SEZ6L2: variants seen among roughly 807,000 people sequenced by gnomAD.
SEZ6L2 encodes seizure 6-like protein 2.
In SEZ6L2, 44 loss-of-function variants were observed where a neutral mutation model predicts 97.0. The ratio of observed to expected loss-of-function variants is 0.45; its 90% CI spans 0.36 to 0.58. SEZ6L2 has a LOEUF of 0.58. Among genes scored for constraint, SEZ6L2 ranks in the 20% least tolerant of loss-of-function variants. The pLI is 0.00. For missense variants in SEZ6L2, 1,086 were observed against 1,233.3 expected (o/e 0.88, Z 1.79); for synonymous variants, 543 against 546.1 (o/e 0.99, Z 0.08).
chr16:29,877,046 GTCTCTCTC>G (rs139403019), intron 11 of SEZ6L2, 96 bp from the exon 12 acceptor site: 2 of 1,215,978 alleles, frequency 1.6e-6, no homozygotes, highest in African/African-American at 3.1e-5. Flanking sequence ...CCCGGGATCT[GTCTCTCTC>G]TCTCTCTCTT....
Position 29,895,294 on chromosome 16 carries a change from A to T in SEZ6L2, c.818T>A (p.Val273Asp). 6.2e-7 allele frequency: 1 copy of T among 1,612,604 alleles called. No individual in the cohort carries two copies. The highest frequency in any genetic ancestry group is 1.3e-5 in the African/African-American group (1 of 74,714). ...RLLLHFQSPR[V>D]PRGGGFRIHY... ...GATCCTGAAGCCACCGCCCCTTGGG[A>T]CCCGTGGGCTCTGGAAGTGCAGAAG... Residue 273 changes from valine (V) to aspartate (D), a missense_variant, in exon 5 of 18, where the codon GTC (valine) becomes GAC (aspartate). Transcript: ENST00000617533.
rs898900006 is a variant in SEZ6L2, at chr16:29,895,297, C to T, written c.815G>A (p.Arg272Gln). The change falls in exon 5 of 18, where the codon CGG becomes CAG. Residue 272 changes from arginine to glutamine, a missense_variant. This residue lies in a region of SEZ6L2 where 776 missense variants were observed against 794.7 expected (regional missense o/e 0.98). Transcript: ENST00000617533. ...NRLLLHFQSP[R>Q]VPRGGGFRIH... ...CCTGAAGCCACCGCCCCTTGGGACC[C>T]GTGGGCTCTGGAAGTGCAGAAGCAG... The T allele has an allele frequency of 1.7e-5, 27 of 1,613,970 alleles. No individual in the cohort carries two copies. Among genetic ancestry groups the T allele is most frequent in the African/African-American group, 1.2e-4 (9 of 74,878 alleles).
In SEZ6L2 at chr16:29,885,750, C is replaced by T. The variant is rs769341834; in HGVS notation, c.1209-1G>A. ...GCTGCCCCCTGAGCGCACCATCAGC[C>T]TGGGATGGACAGAAACGTGACCAGG... is the stretch of plus-strand genomic sequence containing the variant. On this transcript the variant is annotated splice_acceptor_variant, in intron 7 of 17. Transcript: ENST00000617533. LOFTEE classifies it high-confidence loss of function. 2 of 1,596,732 alleles carry T rather than the reference C, an allele frequency of 1.3e-6. No homozygotes were observed. Among genetic ancestry groups the T allele is most frequent in the South Asian group, 1.1e-5 (1 of 90,520 alleles).
rs760207632 is a variant in SEZ6L2 at position 29,871,736 on chromosome 16, CAGAG to C, written c.2743-12_2743-9del. 3.7e-6 allele frequency: 6 copies of C among 1,607,144 alleles called. No homozygotes were observed. Among genetic ancestry groups the C allele is most frequent in the Non-Finnish European group, 4.2e-6 (5 of 1,176,732 alleles). ...TTCATACTCCCGCGTATCCTGAAGA[CAGAG>C]AGATCAGGTCAGTTGTTGGAGTCTG... On this transcript the variant is annotated splice_polypyrimidine_tract_variant and intron_variant, in intron 17 of 17. Coordinates refer to ENST00000617533, the MANE Select transcript of SEZ6L2 (RefSeq NM_001243332.2).
Position 29,885,737 on chromosome 16 carries a change from G to A in SEZ6L2, c.1221C>T (p.Arg407=), listed in dbSNP as rs377205080. The change falls in exon 8 of 18, where the codon CGC becomes CGT. Residue 407 remains arginine (R), a synonymous_variant. Transcript: ENST00000617533. ...LDEDNDRLMV[R]SGGSPLSPVI... is the part of the protein sequence containing the mutation. The stretch of plus-strand genomic sequence containing the variant: ...CGGGGGATAGGGGGCTGCCCCCTGA[G>A]CGCACCATCAGCCTGGGATGGACAG... 41 of 1,610,172 alleles carry A rather than the reference G, an allele frequency of 2.5e-5. 1 individual carries two copies. Among genetic ancestry groups the A allele is most frequent in the East Asian group, 1.3e-4 (6 of 44,744 alleles).
Position 29,895,347 on chromosome 16 carries a change from T to C in SEZ6L2, c.765A>G (p.Gln255=). ...GCCGGTTGGTTGGGCTCCGAAGGAC[T>C]TGTCCTTCTCCAAGCATGGATGAGT... ...LANSSMLGEG[Q]VLRSPTNRLL... is the part of the protein sequence containing the mutation. Residue 255 remains glutamine (Q), a synonymous_variant, in exon 5 of 18, where the codon CAA becomes CAG. Transcript: ENST00000617533. The C allele has an allele frequency of 6.2e-7, 1 of 1,614,104 alleles. No individual in the cohort carries two copies. Among genetic ancestry groups the C allele is most frequent in the Non-Finnish European group, 8.5e-7 (1 of 1,180,002 alleles).
Position 29,877,426 on chromosome 16 carries a change from C to G in SEZ6L2, c.1754G>C (p.Gly585Ala). Residue 585 changes from glycine to alanine, a missense_variant, in exon 11 of 18, where the codon GGG becomes GCG. This residue lies in a region of SEZ6L2 where 776 missense variants were observed against 794.7 expected (regional missense o/e 0.98). Transcript: ENST00000617533. ...REGDMLTLFDGDGPSARVLAQ... is the reference protein window; with the variant it reads ...REGDMLTLFDADGPSARVLAQ... The stretch of plus-strand genomic sequence containing the variant: ...CAAGACTCGGGCGCTGGGACCGTCC[C>G]CGTCGAACAGCGTCAGCATGTCCCC... The G allele has an allele frequency of 1.2e-6, 2 of 1,609,958 alleles. No homozygotes were observed. Among genetic ancestry groups the G allele is most frequent in the Non-Finnish European group, 1.7e-6 (2 of 1,178,196 alleles).
chr16:29,875,884 A>C (rs1596961259), intron 12 of SEZ6L2, among the ~76,000 whole-genome samples: 1 of 150,990 alleles, frequency 6.6e-6, no homozygotes, highest in Non-Finnish European at 1.5e-5. Context: ...CTGGTCTCGA[A>C]CTCCAGACCT....
intron 1 of SEZ6L2, among the ~76,000 whole-genome samples, chr16:29,898,676 C>T (rs2068461551): frequency 6.6e-6 from 1 of 152,158 alleles, no homozygotes; most frequent in African/African-American, 2.4e-5. Flanking sequence ...CGCAGACATC[C>T]CCCCAACTTT....
At chr16:29,887,978 T>C (rs1473787263) in intron 6 of SEZ6L2, among the ~76,000 whole-genome samples, 161 bp from the exon 7 acceptor site, 2 of 151,944 alleles carry the variant, frequency 1.3e-5, no homozygotes, top group Non-Finnish European at 2.9e-5. Flanking sequence ...GATGGGACCT[T>C]CTCCAGGCAT....
At position 29,873,848 on chromosome 16, in the gene SEZ6L2, C is replaced by T. The variant is rs557720487; in HGVS notation, c.2105-119G>A. 4 of 881,808 alleles carry T rather than the reference C, an allele frequency of 4.5e-6. No homozygotes were observed. The highest frequency in any genetic ancestry group is 6.7e-6 in the Non-Finnish European group (4 of 594,894). 54.6% of individuals were successfully genotyped at this position (881,808 alleles called of 1,614,324 possible). On this transcript the variant is annotated intron_variant, in intron 12 of 17. Transcript: ENST00000617533. This position sits in a 1 kb window ranked among gnomAD's most constrained non-coding sequence, Gnocchi z 4.3. ...AATTAGCCAGGAGTGGTGGCGCACT[C>T]CTGTGGTTCCAGCTACTCAGGAGTT...
intron 8 of SEZ6L2, among the ~76,000 whole-genome samples, chr16:29,882,437 C>A (rs992940191): frequency 1.4e-4 from 21 of 151,488 alleles, no homozygotes; most frequent in African/African-American, 4.8e-4. Context: ...ATTAGCTGGG[C>A]GTGGTGGTAC....
chr16:29,877,074 G>T, intron 11 of SEZ6L2, 124 bp from the exon 12 acceptor site: 1 of 1,131,088 alleles, frequency 8.8e-7, no homozygotes, highest in Non-Finnish European at 1.2e-6. Flanking sequence ...TAGAGACAGG[G>T]TTTCCTGTCG....
intron 11 of SEZ6L2, 88 bp from the exon 12 acceptor site, chr16:29,877,038 C>A: frequency 7.4e-7 from 1 of 1,347,642 alleles, no homozygotes; most frequent in Non-Finnish European, 1.0e-6. Context: ...TGCCCCCTCC[C>A]GGGATCTGTC....
chr16:29,883,982 G>C (rs12919612), intron 8 of SEZ6L2, among the ~76,000 whole-genome samples: 62,964 of 151,750 alleles, frequency 0.41, 14,632 homozygotes, highest in African/African-American at 0.64. Flanking sequence ...AGGCCAAGGT[G>C]AAATGCCTCT....
rs375833974 is a variant in SEZ6L2, at chr16:29,888,541, C to T, written c.1038G>A (p.Met346Ile). Residue 346 changes from methionine (M) to isoleucine (I), a missense_variant and splice_region_variant, in exon 6 of 18, where the codon ATG becomes ATA. Met to Ile is a conservative substitution (Grantham distance 10). Transcript: ENST00000617533. The part of the protein sequence containing the change: ...PSWNGETPSC[M>I]ASCGGTIHNA... ...CACCCACTGTGGCAGGAGACTCACC[C>T]ATGCAGCTGGGGGTTTCACCGTTCC... The T allele has an allele frequency of 3.2e-5, 52 of 1,613,216 alleles. No homozygotes were observed. The highest frequency in any genetic ancestry group is 4.3e-5 in the Non-Finnish European group (51 of 1,179,548).
In SEZ6L2 at chr16:29,880,048, G is replaced by A; in HGVS notation, c.1389C>T (p.Arg463=). 6.2e-7 allele frequency: 1 copy of A among 1,614,182 alleles called. No homozygotes were observed. The highest frequency in any genetic ancestry group is 8.5e-7 in the Non-Finnish European group (1 of 1,180,028). Residue 463 remains arginine, a synonymous_variant, in exon 9 of 18, where the codon CGC becomes CGT. Transcript: ENST00000617533. The part of the protein sequence containing the change: ...SLRFEAFEED[R]CFAPFLAHGN... ...CATGTGCCAGGAAGGGGGCGAAGCA[G>A]CGATCCTCCTCAAAGGCTGGGAAGG...
At chr16:29,875,661 C>CTTTTTTTTTTTTTTTT (rs149293940) in intron 12 of SEZ6L2, among the ~76,000 whole-genome samples, 2 of 112,712 alleles carry the variant, frequency 1.8e-5, no homozygotes, top group African/African-American at 7.6e-5. Context: ...TTCTTTCTTT[C>CTTTTTTTTTTTTTTTT]TTTCTTTTTT....
chr16:29,892,376 TGGGGAAGTG>T (rs2068288029), intron 5 of SEZ6L2, among the ~76,000 whole-genome samples: 1 of 152,196 alleles, frequency 6.6e-6, no homozygotes, highest in Non-Finnish European at 1.5e-5. Context: ...TTCAGTGCCC[TGGGGAAGTG>T]GCTGCTTAAA....
Sources: gnomAD v4.1 joint callset for allele counts (sites outside exome capture counted in the v4.1 genomes callset) on GRCh38, gnomAD v4.1.1 for gene constraint, gnomAD v4.1.1 regional missense constraint, Gnocchi (gnomAD v3.1) non-coding constraint, MANE v1.5 for transcripts, NCBI Gene and HGNC (gene_info 2026-07-23, HGNC 2026-07-21) for gene names.